PALS2: variants seen among roughly 807,000 people sequenced by gnomAD.
PALS2 encodes protein PALS2.
A neutral mutation model predicts 61.6 loss-of-function variants in PALS2; 27 were observed. The observed-to-expected ratio is 0.44, with a 90% confidence interval of 0.32 to 0.60. The LOEUF is 0.60. Among genes scored for constraint, PALS2 ranks in the 20% least tolerant of loss-of-function variants. PALS2 has a pLI of 0.05. For synonymous variants in PALS2, 236 were observed against 218.6 expected (o/e 1.08, Z -0.70); for missense variants, 554 against 639.4 (o/e 0.87, Z 1.44).
intron 1 of PALS2, among the ~76,000 whole-genome samples, chr7:24,590,528 A>T (rs1783243717): frequency 6.6e-6 from 1 of 152,034 alleles, no homozygotes; most frequent in South Asian, 2.1e-4. Context: ...GTGATTACTA[A>T]TTCTCAGGTG....
intron 1 of PALS2, among the ~76,000 whole-genome samples, chr7:24,613,140 C>T (rs1026364531): frequency 3.3e-5 from 5 of 151,590 alleles, no homozygotes; most frequent in Non-Finnish European, 7.4e-5. Flanking sequence ...AATTGGAAAG[C>T]TTTCAGTCTT....
chr7:24,625,900 G>T (rs1054162693), intron 2 of PALS2, among the ~76,000 whole-genome samples: 2 of 152,006 alleles, frequency 1.3e-5, no homozygotes, highest in African/African-American at 4.8e-5. Context: ...GAGGAATTCC[G>T]CTTCCAAGAA....
chr7:24,638,082 T>G (rs1441925517), intron 2 of PALS2, among the ~76,000 whole-genome samples: 1 of 151,688 alleles, frequency 6.6e-6, no homozygotes, highest in Non-Finnish European at 1.5e-5. Context: ...AAGTTGGTAC[T>G]TGCCTCTTGA....
At chr7:24,653,422 CTGAAT>C (rs1433558418) in intron 5 of PALS2, among the ~76,000 whole-genome samples, 1 of 151,922 alleles carries the variant, frequency 6.6e-6, no homozygotes, top group East Asian at 1.9e-4. Context: ...AAACATTATT[CTGAAT>C]TAACTAATGT....
intron 1 of PALS2, among the ~76,000 whole-genome samples, chr7:24,592,938 A>C (rs145050473): frequency 1.3e-5 from 2 of 152,174 alleles, no homozygotes; most frequent in Non-Finnish European, 2.9e-5. Flanking sequence ...TTCTTAAAAT[A>C]AGACAGATAT....
At chr7:24,629,100 G>C (rs1455672002) in intron 2 of PALS2, among the ~76,000 whole-genome samples, 1 of 152,050 alleles carries the variant, frequency 6.6e-6, no homozygotes, top group Non-Finnish European at 1.5e-5. Flanking sequence ...ATACTACAAG[G>C]CTACAGTAAC....
rs182916408 is a variant in PALS2 at position 24,692,114 on chromosome 7, C to T, written c.*4500C>T. 22 of 152,072 alleles carry T rather than the reference C, an allele frequency of 1.4e-4. No individual in the cohort carries two copies. In the East Asian group the frequency reaches 4.2e-3, roughly 29 times the overall value. The allele number at this position is 152,072 out of a possible 1,614,324, so 9.4% of individuals were successfully genotyped here. ...TTCCCATAATTCATCATGCTAGCTT[C>T]TGTGTTCTTGGAATAGTTTTTGAAA... is the stretch of plus-strand genomic sequence containing the variant. On this transcript the variant is annotated 3_prime_UTR_variant, in exon 12 of 12. Transcript: ENST00000222644.
intron 2 of PALS2, among the ~76,000 whole-genome samples, chr7:24,625,087 A>G (rs953651801): frequency 3.9e-5 from 6 of 152,148 alleles, no homozygotes; most frequent in African/African-American, 1.2e-4. Flanking sequence ...TGTGCAGGGT[A>G]TTGTTTCAGA....
intron 4 of PALS2, among the ~76,000 whole-genome samples, chr7:24,649,967 G>A (rs1001293288): frequency 6.6e-6 from 1 of 152,102 alleles, no homozygotes; most frequent in Non-Finnish European, 1.5e-5. Context: ...GTTAAACTGA[G>A]CTAGAAGTAG....
At chr7:24,646,135 G>T (rs1785819906) in intron 3 of PALS2, among the ~76,000 whole-genome samples, 1 of 151,984 alleles carries the variant, frequency 6.6e-6, no homozygotes, top group African/African-American at 2.4e-5. Flanking sequence ...CTATCTGGAT[G>T]CCCTGTATTT....
chr7:24,652,036 A>G (rs1019408731), intron 5 of PALS2, among the ~76,000 whole-genome samples: 10 of 152,154 alleles, frequency 6.6e-5, no homozygotes, highest in African/African-American at 2.2e-4. Context: ...AAAATAAATG[A>G]TATTAGTACT....
chr7:24,635,848 G>T (rs1785208827), intron 2 of PALS2, among the ~76,000 whole-genome samples: 1 of 152,094 alleles, frequency 6.6e-6, no homozygotes, highest in Non-Finnish European at 1.5e-5. Flanking sequence ...AAGTTATGCT[G>T]TAATGTGTAA....
chr7:24,629,863 C>G (rs997661309), intron 2 of PALS2, among the ~76,000 whole-genome samples: 1 of 152,198 alleles, frequency 6.6e-6, no homozygotes, highest in African/African-American at 2.4e-5. Flanking sequence ...AATAGAAATA[C>G]TTTTACACTG....
chr7:24,579,902 G>A lies in PALS2; in HGVS notation c.-3+6309G>A, dbSNP rs191210697. 3.3e-5 allele frequency among the ~76,000 whole-genome samples: 5 copies of A among 152,214 alleles called. No individual in the cohort carries two copies. The East Asian group carries it at 9.6e-4, about 29-fold the overall frequency. ...TTTTTCATAGTTGCTTTGTTCTGTA[G>A]GATATTATTAGATATTAGTTGGGTA... On this transcript the variant is annotated intron_variant, in intron 1 of 11. Coordinates refer to ENST00000222644, the MANE Select transcript of PALS2 (RefSeq NM_001303037.2).
chr7:24,625,203 G>T (rs1312886206), intron 2 of PALS2, among the ~76,000 whole-genome samples: 1 of 151,958 alleles, frequency 6.6e-6, no homozygotes, highest in African/African-American at 2.4e-5. Context: ...AGTTTACCTG[G>T]GTTCTTATTG....
chr7:24,638,322 C>CTTTTT (rs749421698), intron 2 of PALS2, among the ~76,000 whole-genome samples: 188 of 11,912 alleles, frequency 0.016, 80 homozygotes, highest in Non-Finnish European at 0.019. Context: ...TCTGTATTTT[C>CTTTTT]TTTTTTTTTT....
chr7:24,631,911 AACATAACTTTTATATAC>A (rs1197433767), intron 2 of PALS2, among the ~76,000 whole-genome samples: 16 of 152,216 alleles, frequency 1.1e-4, no homozygotes, highest in Non-Finnish European at 1.6e-4. Flanking sequence ...TTGTCATGTA[AACATAACTTTTATATAC>A]ACAGGGAAAC....
intron 1 of PALS2, among the ~76,000 whole-genome samples, chr7:24,603,704 A>G (rs1300022147): frequency 6.6e-6 from 1 of 152,204 alleles, no homozygotes; most frequent in Non-Finnish European, 1.5e-5. Flanking sequence ...ATTAAGCTTT[A>G]CAGACATAGG....
chr7:24,587,531 ATT>A (rs11310808), intron 1 of PALS2, among the ~76,000 whole-genome samples: 5,188 of 140,952 alleles, frequency 0.037, 233 homozygotes, highest in African/African-American at 0.11. Flanking sequence ...TGCCCAGCTA[ATT>A]TTTTTTTTTT....
Sources: allele counts gnomAD v4.1 joint callset (sites outside exome capture counted in the v4.1 genomes callset), GRCh38; gene constraint gnomAD v4.1.1; transcripts MANE v1.5; gene names NCBI Gene and HGNC (gene_info 2026-07-23, HGNC 2026-07-21).